Variants in PCBP3 observed in about 807,000 individuals in gnomAD.
The protein encoded by PCBP3 is poly(rC) binding protein 3.
A neutral mutation model predicts 52.7 loss-of-function variants in PCBP3; 25 were observed. That is an observed-to-expected ratio of 0.47 (90% CI 0.35 to 0.66). The LOEUF is 0.66. Ranked by LOEUF, PCBP3 falls within the 30% of genes least tolerant of loss-of-function variation. PCBP3 has a pLI of 0.01. For synonymous variants in PCBP3, 162 were observed against 183.0 expected (o/e 0.89, Z 0.93); for missense variants, 391 against 490.3 (o/e 0.80, Z 1.91).
intron 15 of PCBP3, among the ~76,000 whole-genome samples, chr21:45,934,816 A>G (rs2076705240): frequency 6.6e-6 from 1 of 152,190 alleles, no homozygotes; most frequent in Non-Finnish European, 1.5e-5. Context: ...TCTCCTGAGA[A>G]CTAAGGGAAA....
chr21:45,679,085 T>G (rs1033298904), intron 2 of PCBP3, among the ~76,000 whole-genome samples: 1 of 151,686 alleles, frequency 6.6e-6, no homozygotes. Context: ...AGCATTTTTT[T>G]TTTTTTTTTT....
At chr21:45,828,464 A>G (rs1222550758) in intron 4 of PCBP3, 1 of 152,150 alleles carries the variant, frequency 6.6e-6, no homozygotes, top group Non-Finnish European at 1.5e-5. Flanking sequence ...ATCAGTTCGC[A>G]ACAACTTGAA....
At chr21:45,876,737 A>G (rs886769955) in intron 5 of PCBP3, among the ~76,000 whole-genome samples, 2 of 152,246 alleles carry the variant, frequency 1.3e-5, no homozygotes, top group Non-Finnish European at 2.9e-5. Flanking sequence ...GCTGTTAAAC[A>G]GGATAAATCA....
chr21:45,908,596 T>C (rs1603484900), intron 9 of PCBP3, among the ~76,000 whole-genome samples: 2 of 151,866 alleles, frequency 1.3e-5, no homozygotes, highest in Non-Finnish European at 2.9e-5. Context: ...TCACTGCCTC[T>C]GCCGCGCTGT....
rs1351615867 is a variant in PCBP3 at position 45,829,241 on chromosome 21, T to A, written c.-125-20720T>A. 6.6e-6 allele frequency: 1 copy of A among 150,688 alleles called. No homozygotes were observed. Among genetic ancestry groups the A allele is most frequent in the Non-Finnish European group, 1.5e-5 (1 of 66,846 alleles). The allele number at this position is 150,688 out of a possible 1,614,324, so 9.3% of individuals were successfully genotyped here. A position where few individuals can be genotyped will look rare whatever the true frequency, so the allele number is the denominator to read the frequency against. ...ACGTGGTGGGGGCCTTCAGATTCTC[T>A]GAGATTCAAAGCTCTTTGGAGAGAG... On this transcript the variant is annotated intron_variant, in intron 4 of 17. Transcript: ENST00000681687. This position sits in a 1 kb window ranked among gnomAD's most constrained non-coding sequence, Gnocchi z 5.2.
At chr21:45,789,758 T>G (rs1219741066) in intron 4 of PCBP3, among the ~76,000 whole-genome samples, 1 of 152,072 alleles carries the variant, frequency 6.6e-6, no homozygotes, top group South Asian at 2.1e-4. Flanking sequence ...TAAGCAGAGG[T>G]GGGACATGCC....
intron 4 of PCBP3, among the ~76,000 whole-genome samples, chr21:45,839,323 A>G (rs2093652016): frequency 6.6e-6 from 1 of 152,200 alleles, no homozygotes; most frequent in Non-Finnish European, 1.5e-5. Context: ...TATTTTAAGC[A>G]CATTTAATGG....
At chr21:45,679,172 G>A (rs1454153222) in intron 2 of PCBP3, among the ~76,000 whole-genome samples, 1 of 149,850 alleles carries the variant, frequency 6.7e-6, no homozygotes, top group Non-Finnish European at 1.5e-5. Flanking sequence ...AGGCTGGAGT[G>A]TGCAGTGGTG....
At chr21:45,643,889 G>T (rs1264515596) in intron 1 of PCBP3, 21 bp downstream of exon 1, 1 of 148,978 alleles carries the variant, frequency 6.7e-6, no homozygotes, top group Non-Finnish European at 1.5e-5. Context: ...GGTGGCGGGC[G>T]GGGTCGGGGT....
At chr21:45,899,947 G>A (rs553558246) in intron 7 of PCBP3, among the ~76,000 whole-genome samples, 30 of 152,232 alleles carry the variant, frequency 2.0e-4, no homozygotes, top group Non-Finnish European at 3.4e-4. Flanking sequence ...TTCTTCAGCC[G>A]GCTGTGTAGT....
At chr21:45,765,658 G>T (rs2089241756) in intron 4 of PCBP3, among the ~76,000 whole-genome samples, 1 of 152,198 alleles carries the variant, frequency 6.6e-6, no homozygotes, top group African/African-American at 2.4e-5. Flanking sequence ...GGGGTCGGGG[G>T]CTTGTCTCCT....
chr21:45,934,198 AG>A (rs1569510826), intron 15 of PCBP3, among the ~76,000 whole-genome samples: 1 of 152,154 alleles, frequency 6.6e-6, no homozygotes, highest in Non-Finnish European at 1.5e-5. Flanking sequence ...TGGGGTCTCC[AG>A]GGCCCAGGCT....
intron 3 of PCBP3, among the ~76,000 whole-genome samples, chr21:45,749,093 CA>C (rs2087178842): frequency 1.3e-5 from 2 of 152,164 alleles, no homozygotes; most frequent in Admixed American, 1.3e-4. Context: ...AAAAGTTCCT[CA>C]CTTAATTCCT....
chr21:45,700,294 T>G (rs1000514096), intron 2 of PCBP3, among the ~76,000 whole-genome samples: 1 of 152,232 alleles, frequency 6.6e-6, no homozygotes, highest in African/African-American at 2.4e-5. Context: ...ATTTAATGTG[T>G]TCTAGGGAAT....
At chr21:45,781,436 A>G (rs1293611231) in intron 4 of PCBP3, among the ~76,000 whole-genome samples, 1 of 152,230 alleles carries the variant, frequency 6.6e-6, no homozygotes, top group Non-Finnish European at 1.5e-5. Context: ...CATTGTCATC[A>G]AGGAAATGTG....
chr21:45,880,449 T>TGTGGG lies in PCBP3; in HGVS notation c.11-15758_11-15754dup, dbSNP rs1276158446. Among the ~76,000 whole-genome samples the TGTGGG allele has an allele frequency of 2.0e-5, 3 of 152,024 alleles. No individual in the cohort carries two copies. The highest frequency in any genetic ancestry group is 6.5e-5 in the Admixed American group (1 of 15,278). Reference sequence around the variant, plus strand: ...GAATGAAAAACGCAGGAGTGGGTGGTGTGGGAGAAAATAGGATTACGGTGC... The same window carrying TGTGGG: ...GAATGAAAAACGCAGGAGTGGGTGGTGTGGGGTGGGAGAAAATAGGATTACGGTGC... On this transcript the variant is annotated intron_variant, in intron 5 of 17. Coordinates refer to ENST00000681687, the MANE Select transcript of PCBP3 (RefSeq NM_001384156.1). The surrounding 1 kb of genome is among the most constrained non-coding windows in gnomAD (Gnocchi z 5.4).
chr21:45,688,852 A>G (rs983851177), intron 2 of PCBP3, among the ~76,000 whole-genome samples: 5 of 151,918 alleles, frequency 3.3e-5, no homozygotes, highest in African/African-American at 9.6e-5. Context: ...TAACTTAGAA[A>G]AATTCAGTAC....
chr21:45,769,212 G>A (rs1053252359), intron 4 of PCBP3, among the ~76,000 whole-genome samples: 64 of 152,360 alleles, frequency 4.2e-4, no homozygotes, highest in African/African-American at 1.3e-3. Flanking sequence ...ACTGTGGGTG[G>A]CATGAGATGG....
chr21:45,660,436 A>C (rs988243650), intron 1 of PCBP3, among the ~76,000 whole-genome samples: 4 of 152,178 alleles, frequency 2.6e-5, no homozygotes, highest in Admixed American at 2.6e-4. Flanking sequence ...CTTATATTGG[A>C]ATGTTTAATC....
Sources: allele counts gnomAD v4.1 joint callset (sites outside exome capture counted in the v4.1 genomes callset), GRCh38; gene constraint gnomAD v4.1.1; non-coding constraint Gnocchi (gnomAD v3.1); transcripts MANE v1.5; gene names NCBI Gene and HGNC (gene_info 2026-07-23, HGNC 2026-07-21).